MMS22L: variants seen among roughly 807,000 people sequenced by gnomAD.
MMS22L encodes MMS22 like, DNA repair protein, also known as protein MMS22-like.
Under a neutral mutation model 159.1 loss-of-function variants are expected in MMS22L, and 74 were observed. That is an observed-to-expected ratio of 0.47 (90% CI 0.39 to 0.56). The LOEUF is 0.56. MMS22L is among the 20% of genes least tolerant of loss of function. The pLI, the probability that MMS22L is intolerant of heterozygous loss-of-function variation, is 0.00. For missense variants in MMS22L, 1,351 were observed against 1,422.1 expected (o/e 0.95, Z 0.80); for synonymous variants, 517 against 506.9 (o/e 1.02, Z -0.27).
chr6:97,246,398 T>A (rs1325349840), intron 11 of MMS22L, among the ~76,000 whole-genome samples: 1 of 152,222 alleles, frequency 6.6e-6, no homozygotes, highest in African/African-American at 2.4e-5. Flanking sequence ...TTATTTTGAA[T>A]ACATTTTGTC....
chr6:97,203,309 A>AT (rs145197077), intron 14 of MMS22L, among the ~76,000 whole-genome samples: 6,507 of 150,250 alleles, frequency 0.043, 479 homozygotes, highest in African/African-American at 0.15. Context: ...TTATTTATTT[A>AT]TTTTTTTTAC....
At chr6:97,187,604 G>C (rs1171424100) in intron 14 of MMS22L, among the ~76,000 whole-genome samples, 81 of 151,526 alleles carry the variant, frequency 5.3e-4, no homozygotes, top group Non-Finnish European at 4.4e-5. Context: ...ACAGAAAGCA[G>C]CAAAAAATAA....
chr6:97,152,812 T>C (rs975702684), intron 22 of MMS22L, among the ~76,000 whole-genome samples: 1 of 150,848 alleles, frequency 6.6e-6, no homozygotes, highest in Non-Finnish European at 1.5e-5. Flanking sequence ...GAACTACCTT[T>C]TTTTTTTTAA....
At position 97,234,056 on chromosome 6, in the gene MMS22L, T is replaced by G. The variant is rs1200964255; in HGVS notation, c.1183-76A>C. ...AACATTTTCACTTGATATTGTGCTG[T>G]ATATAACCTGCAGCTAAAAAGAAAA... On this transcript the variant is annotated intron_variant, in intron 11 of 24. Coordinates refer to ENST00000683635, the MANE Select transcript of MMS22L (RefSeq NM_001350599.2). The G allele has an allele frequency of 2.1e-6, 3 of 1,459,842 alleles. No homozygotes were observed. In the Middle Eastern group the frequency reaches 6.6e-4, roughly 320 times the overall value. 90.4% of individuals were successfully genotyped at this position (1,459,842 alleles called of 1,614,324 possible). A position where few individuals can be genotyped will look rare whatever the true frequency, so the allele number is the denominator to read the frequency against.
intron 24 of MMS22L, among the ~76,000 whole-genome samples, chr6:97,148,426 C>T (rs754299256): frequency 5.9e-5 from 9 of 152,016 alleles, no homozygotes; most frequent in South Asian, 4.1e-4. Flanking sequence ...TTGCAGGAGA[C>T]GACAGCTCCA....
intron 11 of MMS22L, among the ~76,000 whole-genome samples, chr6:97,236,677 C>T (rs932442943): frequency 1.3e-5 from 2 of 152,094 alleles, no homozygotes; most frequent in South Asian, 2.1e-4. Context: ...TAAGGCCGGG[C>T]ACGGTGGCTC....
chr6:97,170,087 G>A (rs536920951), intron 19 of MMS22L, among the ~76,000 whole-genome samples: 1 of 152,204 alleles, frequency 6.6e-6, no homozygotes, highest in South Asian at 2.1e-4. Context: ...ACTCTTATGT[G>A]CCTTATTTAT....
chr6:97,182,539 C>G (rs1804820818), intron 15 of MMS22L, among the ~76,000 whole-genome samples: 1 of 152,174 alleles, frequency 6.6e-6, no homozygotes, highest in Admixed American at 6.5e-5. Context: ...TTAGAACCCA[C>G]AAAGTCTAGG....
At chr6:97,274,718 A>C (rs961834422) in intron 4 of MMS22L, among the ~76,000 whole-genome samples, 1 of 152,162 alleles carries the variant, frequency 6.6e-6, no homozygotes, top group Non-Finnish European at 1.5e-5. Context: ...CCCAAGAAGA[A>C]AGAAGCTATA....
Position 97,272,783 on chromosome 6 carries a change from C to A in MMS22L, c.527G>T (p.Gly176Val). 6.2e-7 allele frequency: 1 copy of A among 1,613,976 alleles called. No individual in the cohort carries two copies. The highest frequency in any genetic ancestry group is 8.5e-7 in the Non-Finnish European group (1 of 1,179,910). ...TAGGTGTCCAATATACAAGAGTAAT[C>A]CATGAAGCTCATCAATCAACACTGA... The part of the protein sequence containing the change: ...LPSVLIDELH[G>V]LLLYIGHLSE... The change falls in exon 6 of 25, where the codon GGA becomes GTA. Residue 176 changes from glycine to valine, a missense_variant. Gly to Val is a moderately radical substitution (Grantham distance 109). Coordinates refer to ENST00000683635, the MANE Select transcript of MMS22L (RefSeq NM_001350599.2).
chr6:97,180,730 C>A (rs1385084901), intron 16 of MMS22L, among the ~76,000 whole-genome samples: 1 of 152,062 alleles, frequency 6.6e-6, no homozygotes, highest in Non-Finnish European at 1.5e-5. Flanking sequence ...GTCTTTAATG[C>A]ATAATATAAA....
Position 97,159,675 on chromosome 6 carries a change from T to C in MMS22L, c.3385+2327A>G, listed in dbSNP as rs564384069. Among the ~76,000 whole-genome samples, 4 of 152,094 alleles carry C rather than the reference T, an allele frequency of 2.6e-5. No individual in the cohort carries two copies. In the East Asian group the frequency reaches 5.8e-4, roughly 22 times the overall value. On this transcript the variant is annotated intron_variant, in intron 22 of 24. Coordinates refer to ENST00000683635, the MANE Select transcript of MMS22L (RefSeq NM_001350599.2). ...AAGTATTTGAGCTGACCTGATGCCA[T>C]AAGTGGAAAATTCCACACCTGACTT... is the stretch of plus-strand genomic sequence containing the variant.
intron 14 of MMS22L, among the ~76,000 whole-genome samples, chr6:97,204,847 A>G (rs535571189): frequency 1.7e-4 from 25 of 150,810 alleles, no homozygotes; most frequent in African/African-American, 5.6e-4. Context: ...CTGAATGTCA[A>G]TTGAGAGGAG....
intron 24 of MMS22L, 116 bp downstream of exon 24, chr6:97,149,737 A>T (rs946597889): frequency 1.9e-6 from 2 of 1,037,778 alleles, no homozygotes; most frequent in Non-Finnish European, 2.7e-6. Context: ...AACATTTTTC[A>T]TCTCAAAAGA....
chr6:97,202,567 G>C (rs1367195354), intron 14 of MMS22L, among the ~76,000 whole-genome samples: 1 of 151,980 alleles, frequency 6.6e-6, no homozygotes, highest in Non-Finnish European at 1.5e-5. Flanking sequence ...TTCTAATTTG[G>C]TTTTTTAGAT....
chr6:97,280,062 A>T (rs1816620970), intron 3 of MMS22L, among the ~76,000 whole-genome samples: 1 of 152,180 alleles, frequency 6.6e-6, no homozygotes, highest in Non-Finnish European at 1.5e-5. Flanking sequence ...TGTAATCTTC[A>T]GGATTACAGA....
At chr6:97,190,992 A>T (rs929317772) in intron 14 of MMS22L, among the ~76,000 whole-genome samples, 1 of 152,118 alleles carries the variant, frequency 6.6e-6, no homozygotes, top group African/African-American at 2.4e-5. Flanking sequence ...TGCCTCCTTT[A>T]GCTTTCCTCA....
intron 10 of MMS22L, among the ~76,000 whole-genome samples, chr6:97,251,204 A>G (rs1477435462): frequency 6.6e-6 from 1 of 152,180 alleles, no homozygotes. Flanking sequence ...ACACATGGTT[A>G]CCCTACCAAA....
rs1361149232 is a variant in MMS22L at position 97,234,109 on chromosome 6, T to C, written c.1183-129A>G. The C allele has an allele frequency of 3.1e-6, 3 of 969,858 alleles. No individual in the cohort carries two copies. In the East Asian group the frequency reaches 7.9e-5, roughly 26 times the overall value. 60.1% of individuals were successfully genotyped at this position (969,858 alleles called of 1,614,324 possible). ...AATATGTGTCACCCAATCATACCCA[T>C]TCTCATATGCAGACTAGGTCTAAAT... On this transcript the variant is annotated intron_variant, in intron 11 of 24. Coordinates refer to ENST00000683635, the MANE Select transcript of MMS22L (RefSeq NM_001350599.2).
Sources: gnomAD v4.1 joint callset for allele counts (sites outside exome capture counted in the v4.1 genomes callset) on GRCh38, gnomAD v4.1.1 for gene constraint, MANE v1.5 for transcripts, NCBI Gene and HGNC (gene_info 2026-07-23, HGNC 2026-07-21) for gene names.